Variants in CHCHD3 observed in about 807,000 individuals in gnomAD.
The protein encoded by CHCHD3 is coiled-coil-helix-coiled-coil-helix domain containing 3, also known as MICOS complex subunit MIC19.
In CHCHD3, 20 loss-of-function variants were observed where a neutral mutation model predicts 38.2. The observed-to-expected ratio is 0.52, with a 90% confidence interval of 0.37 to 0.76. CHCHD3 has a LOEUF of 0.76. Among genes scored for constraint, CHCHD3 ranks in the 30% least tolerant of loss-of-function variants. The pLI is 0.00. For missense variants in CHCHD3, 245 were observed against 279.2 expected, an observed-to-expected ratio of 0.88 and a Z score of 0.87; for synonymous variants, 82 against 100.0, an observed-to-expected ratio of 0.82 and a Z score of 1.07.
At chr7:132,989,737 AACT>A (rs1812220796) in intron 3 of CHCHD3, among the ~76,000 whole-genome samples, 1 of 152,146 alleles carries the variant, frequency 6.6e-6, no homozygotes, top group South Asian at 2.1e-4. Context: ...TCACAACCAA[AACT>A]ACCTAGGAGG....
At chr7:133,054,376 C>T in intron 2 of CHCHD3, among the ~76,000 whole-genome samples, 1 of 152,142 alleles carries the variant, frequency 6.6e-6, no homozygotes, top group East Asian at 1.9e-4. Context: ...CACTGCCTTG[C>T]ATCTCTGAAA....
chr7:132,935,807 T>C (rs1181646644), intron 4 of CHCHD3, among the ~76,000 whole-genome samples: 1 of 152,172 alleles, frequency 6.6e-6, no homozygotes, highest in Non-Finnish European at 1.5e-5. Context: ...AAGAAGTTTG[T>C]TTAGCTCATG....
intron 6 of CHCHD3, among the ~76,000 whole-genome samples, chr7:132,801,678 C>A (rs1762386870): frequency 6.6e-6 from 1 of 152,140 alleles, no homozygotes; most frequent in Admixed American, 6.5e-5. Flanking sequence ...TAATGAGGGC[C>A]ATACTATTTA....
chr7:133,081,777 A>C (rs908293474), intron 1 of CHCHD3, 80 bp downstream of exon 1: 15 of 1,426,300 alleles, frequency 1.1e-5, no homozygotes, highest in Admixed American at 2.0e-5. Context: ...GGAGAAACCC[A>C]GGCTGAGCGG....
intron 2 of CHCHD3, among the ~76,000 whole-genome samples, chr7:133,061,584 A>G (rs1214485810): frequency 1.3e-5 from 2 of 152,182 alleles, no homozygotes; most frequent in Non-Finnish European, 2.9e-5. Flanking sequence ...CACAGTGAGT[A>G]CACAGGGGTT....
chr7:132,867,736 C>T (rs1327530803), intron 5 of CHCHD3, among the ~76,000 whole-genome samples: 3 of 151,934 alleles, frequency 2.0e-5, no homozygotes, highest in Non-Finnish European at 4.4e-5. Flanking sequence ...AAGTATAAGG[C>T]AGAAAGACTT....
At chr7:133,056,212 T>G (rs1814329304) in intron 2 of CHCHD3, among the ~76,000 whole-genome samples, 2 of 152,070 alleles carry the variant, frequency 1.3e-5, no homozygotes, top group African/African-American at 4.8e-5. Context: ...CTTAGCTTTG[T>G]CAGTCTATTC....
At chr7:132,964,910 A>T (rs1219863725) in intron 4 of CHCHD3, among the ~76,000 whole-genome samples, 2 of 152,174 alleles carry the variant, frequency 1.3e-5, no homozygotes, top group Non-Finnish European at 2.9e-5. Flanking sequence ...AATATTTCTC[A>T]CCCACGCTGG....
intron 4 of CHCHD3, among the ~76,000 whole-genome samples, chr7:132,951,806 A>G (rs1394375799): frequency 6.6e-6 from 1 of 152,226 alleles, no homozygotes; most frequent in Admixed American, 6.5e-5. Context: ...TGAAAATGCC[A>G]TCTTGATTTC....
intron 6 of CHCHD3, among the ~76,000 whole-genome samples, chr7:132,825,148 T>C (rs1003538384): frequency 1.3e-5 from 2 of 152,150 alleles, no homozygotes; most frequent in South Asian, 2.1e-4. Context: ...TCAGGGCCCA[T>C]AGAACATGGA....
intron 6 of CHCHD3, among the ~76,000 whole-genome samples, chr7:132,826,210 G>A (rs753345023): frequency 2.8e-4 from 43 of 152,134 alleles, no homozygotes; most frequent in Admixed American, 2.2e-3. Context: ...AGGAGCAAAT[G>A]GCAGTGCATA....
At chr7:132,895,525 T>C (rs1355397156) in intron 4 of CHCHD3, among the ~76,000 whole-genome samples, 1 of 152,188 alleles carries the variant, frequency 6.6e-6, no homozygotes, top group East Asian at 1.9e-4. Context: ...CCCACCTAAA[T>C]CTCATCTTGA....
rs144837830 is a variant in CHCHD3, at chr7:132,996,106, T to C, written c.252-20820A>G. Reference sequence around the variant, plus strand: ...AAAACCAAATAGCTAGTCACTATGCTATATCTTGATTATGTGAACCGAAAC... The same window carrying C: ...AAAACCAAATAGCTAGTCACTATGCCATATCTTGATTATGTGAACCGAAAC... On this transcript the variant is annotated intron_variant, in intron 3 of 7. Coordinates refer to ENST00000262570, the MANE Select transcript of CHCHD3 (RefSeq NM_017812.4). Among the ~76,000 whole-genome samples, 323 of 152,348 alleles carry C rather than the reference T, an allele frequency of 2.1e-3. 2 individuals carry two copies. Among genetic ancestry groups the C allele is most frequent in the African/African-American group, 7.5e-3 (311 of 41,578 alleles).
At chr7:132,889,951 T>C (rs1439413380) in intron 4 of CHCHD3, among the ~76,000 whole-genome samples, 1 of 152,250 alleles carries the variant, frequency 6.6e-6, no homozygotes, top group African/African-American at 2.4e-5. Context: ...ACATTATTTA[T>C]TGATATAGAA....
chr7:132,901,655 T>C (rs1388425265), intron 4 of CHCHD3, among the ~76,000 whole-genome samples: 1 of 152,208 alleles, frequency 6.6e-6, no homozygotes, highest in Non-Finnish European at 1.5e-5. Context: ...TACTTGTTGA[T>C]GGGGTTGATT....
intron 3 of CHCHD3, among the ~76,000 whole-genome samples, chr7:132,984,369 A>G (rs1291807890): frequency 1.3e-5 from 2 of 151,518 alleles, no homozygotes; most frequent in African/African-American, 2.4e-5. Flanking sequence ...TCAGTGCTCA[A>G]TGGTGCCCAG....
At chr7:132,976,982 T>C (rs557482162) in intron 3 of CHCHD3, among the ~76,000 whole-genome samples, 1 of 152,272 alleles carries the variant, frequency 6.6e-6, no homozygotes, top group East Asian at 1.9e-4. Context: ...TATTTCGAAA[T>C]TCTCTAATGC....
chr7:132,967,424 C>A (rs1403434068), intron 4 of CHCHD3, among the ~76,000 whole-genome samples: 1 of 152,006 alleles, frequency 6.6e-6, no homozygotes, highest in Non-Finnish European at 1.5e-5. Flanking sequence ...CACTGCTCTC[C>A]ACCTCCAGGT....
At chr7:132,789,121 T>A (rs1015197402) in intron 7 of CHCHD3, among the ~76,000 whole-genome samples, 1 of 152,192 alleles carries the variant, frequency 6.6e-6, no homozygotes, top group African/African-American at 2.4e-5. Context: ...TTCTACTGTC[T>A]CTGTATTGGT....
Sources: allele counts gnomAD v4.1 joint callset (sites outside exome capture counted in the v4.1 genomes callset), GRCh38; gene constraint gnomAD v4.1.1; transcripts MANE v1.5; gene names NCBI Gene and HGNC (gene_info 2026-07-23, HGNC 2026-07-21).